The following CCDC85C variants were observed in gnomAD, a reference collection of about 807,000 sequenced individuals.
CCDC85C encodes the protein coiled-coil domain containing 85C.
In CCDC85C, 18 loss-of-function variants were observed where a neutral mutation model predicts 38.3. That is an observed-to-expected ratio of 0.47 (90% CI 0.33 to 0.70). The LOEUF is 0.70. Ranked by LOEUF, CCDC85C falls within the 30% of genes least tolerant of loss-of-function variation. CCDC85C has a pLI of 0.03. For synonymous variants in CCDC85C, 264 were observed against 293.8 expected (o/e 0.90, Z 1.04); for missense variants, 566 against 621.2 (o/e 0.91, Z 0.94).
At chr14:99,565,568 G>C (rs1898199723) in intron 1 of CCDC85C, among the ~76,000 whole-genome samples, 1 of 152,198 alleles carries the variant, frequency 6.6e-6, no homozygotes, top group South Asian at 2.1e-4. Flanking sequence ...ATGAACCCAG[G>C]GGCAGAGTGT....
chr14:99,597,431 C>T (rs1424504270), intron 1 of CCDC85C, among the ~76,000 whole-genome samples: 4 of 152,176 alleles, frequency 2.6e-5, no homozygotes, highest in Non-Finnish European at 5.9e-5. Flanking sequence ...ACATCTCAAC[C>T]AGATTCCCAG....
At chr14:99,571,455 G>A (rs1341974430) in intron 1 of CCDC85C, among the ~76,000 whole-genome samples, 1 of 152,220 alleles carries the variant, frequency 6.6e-6, no homozygotes, top group African/African-American at 2.4e-5. Context: ...GAGGTGCACA[G>A]CCGTGCCGTT....
intron 2 of CCDC85C, 102 bp from the exon 3 acceptor site, chr14:99,522,342 C>T (rs78053014): frequency 1.2e-5 from 10 of 846,730 alleles, no homozygotes; most frequent in East Asian, 8.2e-5. Context: ...CTCAAAGGCA[C>T]GGCCCCGGAG....
rs1203609786 is a variant in CCDC85C, at chr14:99,507,577, T to G, written c.*7669A>C. On this transcript the variant is annotated 3_prime_UTR_variant, in exon 6 of 6. Coordinates refer to ENST00000380243, the MANE Select transcript of CCDC85C (RefSeq NM_001144995.2). Reference sequence around the variant, plus strand: ...AGACCGTGTCTCAAAGTTCTGATTTTGACCAGGTATTTTGAGAATGTTGTA... The same window carrying G: ...AGACCGTGTCTCAAAGTTCTGATTTGGACCAGGTATTTTGAGAATGTTGTA... 1 of 166,326 alleles carries G rather than the reference T, an allele frequency of 6.0e-6. No individual in the cohort carries two copies. Among genetic ancestry groups the G allele is most frequent in the African/African-American group, 2.4e-5 (1 of 41,832 alleles). The allele number at this position is 166,326 out of a possible 1,614,324, so 10.3% of individuals were successfully genotyped here.
intron 1 of CCDC85C, among the ~76,000 whole-genome samples, chr14:99,568,246 CTTTATTTTT>C (rs1272964903): frequency 8.7e-6 from 1 of 114,500 alleles, no homozygotes; most frequent in Non-Finnish European, 1.7e-5. Flanking sequence ...GCCACCTGCC[CTTTATTTTT>C]TTTTTTTTTT....
At chr14:99,526,020 G>A (rs962922151) in intron 2 of CCDC85C, among the ~76,000 whole-genome samples, 1 of 152,196 alleles carries the variant, frequency 6.6e-6, no homozygotes, top group South Asian at 2.1e-4. Flanking sequence ...GGACAGCAAC[G>A]CAGCCACATC....
intron 2 of CCDC85C, 109 bp from the exon 3 acceptor site, chr14:99,522,349 G>A (rs543255388): frequency 8.7e-5 from 65 of 750,000 alleles, no homozygotes; most frequent in African/African-American, 8.2e-4. Flanking sequence ...GCACGGCCCC[G>A]GAGGACCCCT....
Position 99,503,928 on chromosome 14 carries a change from G to T in CCDC85C, c.*11318C>A. Reference sequence around the variant, plus strand: ...TTATGGCTGTAGGAGAACTGTTGCTGCAATTTTATTTTTAGAGACTATTTA... The same window carrying T: ...TTATGGCTGTAGGAGAACTGTTGCTTCAATTTTATTTTTAGAGACTATTTA... On this transcript the variant is annotated 3_prime_UTR_variant, in exon 6 of 6. Transcript: ENST00000380243. The T allele has an allele frequency of 2.3e-6, 1 of 434,100 alleles. No individual in the cohort carries two copies. Among genetic ancestry groups the T allele is most frequent in the Non-Finnish European group, 4.2e-6 (1 of 239,848 alleles). 26.9% of individuals were successfully genotyped at this position (434,100 alleles called of 1,614,324 possible).
At position 99,572,969 on chromosome 14, in the gene CCDC85C, T is replaced by G. The variant is rs1301978489; in HGVS notation, c.793+30198A>C. 1 of 384,602 alleles carries G rather than the reference T, an allele frequency of 2.6e-6. No individual in the cohort carries two copies. The highest frequency in any genetic ancestry group is 5.2e-6 in the Non-Finnish European group (1 of 192,932). 23.8% of individuals were successfully genotyped at this position (384,602 alleles called of 1,614,324 possible). ...TGCCTTCGCCTCCTACAAGATAGGA[T>G]GGCAGCAGCCTCAGAGCAGAAGGCA... On this transcript the variant is annotated intron_variant, in intron 1 of 5. Coordinates refer to ENST00000380243, the MANE Select transcript of CCDC85C (RefSeq NM_001144995.2). This position sits in a 1 kb window ranked among gnomAD's most constrained non-coding sequence, Gnocchi z 4.4.
chr14:99,578,497 G>A (rs1001376878), intron 1 of CCDC85C, among the ~76,000 whole-genome samples: 5 of 152,060 alleles, frequency 3.3e-5, no homozygotes, highest in African/African-American at 1.2e-4. Context: ...TTCAGTGTGT[G>A]TATGTCAACT....
At chr14:99,582,747 G>T (rs932493116) in intron 1 of CCDC85C, among the ~76,000 whole-genome samples, 18 of 152,306 alleles carry the variant, frequency 1.2e-4, no homozygotes, top group Middle Eastern at 6.8e-3. Flanking sequence ...CCAGGGGGCG[G>T]AGGTTGCAGT....
chr14:99,597,868 C>T (rs1374990726), intron 1 of CCDC85C, among the ~76,000 whole-genome samples: 3 of 152,200 alleles, frequency 2.0e-5, no homozygotes, highest in East Asian at 1.9e-4. Flanking sequence ...AAGGCAAATC[C>T]GCAGAGGCCA....
chr14:99,568,659 G>C (rs1898272427), intron 1 of CCDC85C, among the ~76,000 whole-genome samples: 1 of 152,238 alleles, frequency 6.6e-6, no homozygotes, highest in South Asian at 2.1e-4. Flanking sequence ...AAACCCTCAA[G>C]GAGGATGCCG....
At chr14:99,601,633 C>T (rs1311417141) in intron 1 of CCDC85C, among the ~76,000 whole-genome samples, 3 of 152,116 alleles carry the variant, frequency 2.0e-5, no homozygotes, top group Non-Finnish European at 4.4e-5. Flanking sequence ...TCAAAAGCCC[C>T]CAGGACGGCA....
rs2055048176 is a variant in CCDC85C, at chr14:99,588,261, G to A, written c.793+14906C>T. Among the ~76,000 whole-genome samples the A allele has an allele frequency of 6.6e-6, 1 of 152,032 alleles. No individual in the cohort carries two copies. Among genetic ancestry groups the A allele is most frequent in the South Asian group, 2.1e-4 (1 of 4,824 alleles). On this transcript the variant is annotated intron_variant, in intron 1 of 5. Coordinates refer to ENST00000380243, the MANE Select transcript of CCDC85C (RefSeq NM_001144995.2). This position sits in a 1 kb window ranked among gnomAD's most constrained non-coding sequence, Gnocchi z 5.0. ...CTGCTTGGGATGCAGCTGGCATGGT[G>A]GTACACCAGCACCTTTCTGAGTTAA...
rs371589223 is a variant in CCDC85C at position 99,587,794 on chromosome 14, A to G, written c.793+15373T>C. ...CCCTTACTGCACGGGGGCTGACTCT[A>G]CCTCTCCCGCAGTCTCATCCCCGGG... On this transcript the variant is annotated intron_variant, in intron 1 of 5. Coordinates refer to ENST00000380243, the MANE Select transcript of CCDC85C (RefSeq NM_001144995.2). Among the ~76,000 whole-genome samples, 12 of 152,066 alleles carry G rather than the reference A, an allele frequency of 7.9e-5. No individual in the cohort carries two copies. In the South Asian group the frequency reaches 8.3e-4, roughly 11 times the overall value.
At chr14:99,517,230 C>CCGGTCATTCCTGTGGG in intron 3 of CCDC85C, 47 bp from the exon 4 acceptor site, 1 of 1,414,372 alleles carries the variant, frequency 7.1e-7, no homozygotes, top group Non-Finnish European at 9.6e-7. Flanking sequence ...CTGGCTCCCA[C>CCGGTCATTCCTGTGGG]AGGAATGACC....
Position 99,542,573 on chromosome 14 carries a change from G to A in CCDC85C, c.794-6485C>T, listed in dbSNP as rs1897734027. 2.0e-5 allele frequency among the ~76,000 whole-genome samples: 3 copies of A among 152,184 alleles called. 1 individual carries two copies. The South Asian group carries it at 6.2e-4, about 32-fold the overall frequency. On this transcript the variant is annotated intron_variant, in intron 1 of 5. Transcript: ENST00000380243. ...GCAAAGTGGCAGCCACAGACCCAGG[G>A]AGTGGTGGCCTAGAGGCTCCGGGTA...
chr14:99,507,215 C>CT lies in CCDC85C; in HGVS notation c.*8030dup. On this transcript the variant is annotated 3_prime_UTR_variant, in exon 6 of 6. Coordinates refer to ENST00000380243, the MANE Select transcript of CCDC85C (RefSeq NM_001144995.2). The stretch of plus-strand genomic sequence containing the variant: ...CTCTGAATGTTGGACGCAGCAGGTC[C>CT]TGGGAACTTAGAAAAGGGAGACTGG... 1.0e-6 allele frequency: 1 copy of CT among 956,948 alleles called. No individual in the cohort carries two copies. The highest frequency in any genetic ancestry group is 1.7e-6 in the Non-Finnish European group (1 of 585,816). 59.3% of individuals were successfully genotyped at this position (956,948 alleles called of 1,614,324 possible).
Sources: allele counts gnomAD v4.1 joint callset (sites outside exome capture counted in the v4.1 genomes callset), GRCh38; gene constraint gnomAD v4.1.1; non-coding constraint Gnocchi (gnomAD v3.1); transcripts MANE v1.5; gene names NCBI Gene and HGNC (gene_info 2026-07-23, HGNC 2026-07-21).